DGKI: variants seen among roughly 807,000 people sequenced by gnomAD.
DGKI encodes the protein DAG kinase iota.
A neutral mutation model predicts 147.5 loss-of-function variants in DGKI; 55 were observed. The ratio of observed to expected loss-of-function variants is 0.37; its 90% CI spans 0.30 to 0.47. DGKI has a LOEUF of 0.47. Ranked by LOEUF, DGKI falls within the 20% of genes least tolerant of loss-of-function variation. The probability of loss-of-function intolerance (pLI) is 1.00; values close to 1 mark genes in which losing one functional copy is unlikely to be tolerated. For missense variants in DGKI, 1,007 were observed against 1,323.8 expected (o/e 0.76, Z 3.71); for synonymous variants, 469 against 477.1 (o/e 0.98, Z 0.22).
Position 137,393,634 on chromosome 7 carries a change from C to G in DGKI, c.3057+1964G>C, listed in dbSNP as rs116986859. Among the ~76,000 whole-genome samples the G allele has an allele frequency of 9.9e-5, 15 of 152,266 alleles. No individual in the cohort carries two copies. In the East Asian group the frequency reaches 2.9e-3, roughly 29 times the overall value. The stretch of plus-strand genomic sequence containing the variant: ...AAATTATTACTTTTAATGGCAAAAA[C>G]CACAATTACTTTTACACCAACCTAA... On this transcript the variant is annotated intron_variant, in intron 32 of 32. Transcript: ENST00000614521.
intron 27 of DGKI, among the ~76,000 whole-genome samples, chr7:137,459,784 T>C (rs1020606579): frequency 5.9e-5 from 9 of 152,148 alleles, no homozygotes; most frequent in Admixed American, 6.5e-5. Context: ...AAAAATTTTA[T>C]TTTCTGTTCA....
chr7:137,783,502 T>C (rs1796581708), intron 1 of DGKI, among the ~76,000 whole-genome samples: 1 of 152,198 alleles, frequency 6.6e-6, no homozygotes, highest in African/African-American at 2.4e-5. Context: ...AAACCAAGAA[T>C]AATTGGTGTT....
In DGKI at chr7:137,532,448, T is replaced by G. The variant is rs188616187; in HGVS notation, c.2148-10482A>C. 2.7e-3 allele frequency among the ~76,000 whole-genome samples: 408 copies of G among 152,328 alleles called. 3 individuals carry two copies. The highest frequency in any genetic ancestry group is 9.5e-3 in the African/African-American group (394 of 41,580). On this transcript the variant is annotated intron_variant, in intron 20 of 32. Transcript: ENST00000614521. ...AATCTGAGTATCAGAGAAAAAATTA[T>G]TGCAGAATTGTTTGTTTTTCTTCAT...
intron 3 of DGKI, among the ~76,000 whole-genome samples, chr7:137,665,617 C>T (rs2116320300): frequency 6.6e-6 from 1 of 152,266 alleles, no homozygotes; most frequent in African/African-American, 2.4e-5. Context: ...CTAGCACCTC[C>T]CCTGAGTAAC....
intron 8 of DGKI, among the ~76,000 whole-genome samples, chr7:137,614,445 C>T (rs1370915414): frequency 6.6e-6 from 1 of 152,136 alleles, no homozygotes; most frequent in Admixed American, 6.6e-5. Context: ...TTTAACTTGC[C>T]TGTCCAATCA....
chr7:137,687,725 C>T (rs1023627557), intron 2 of DGKI, among the ~76,000 whole-genome samples: 1 of 152,182 alleles, frequency 6.6e-6, no homozygotes, highest in Non-Finnish European at 1.5e-5. Context: ...TCCAGAGTAA[C>T]ATCTCATAAC....
intron 27 of DGKI, among the ~76,000 whole-genome samples, chr7:137,449,928 T>G (rs1813885621): frequency 6.6e-6 from 1 of 152,128 alleles, no homozygotes; most frequent in Non-Finnish European, 1.5e-5. Context: ...GTGGTATATA[T>G]ACACAATGAA....
rs1164753333 is a variant in DGKI, at chr7:137,386,081, G to A, written c.*5139C>T. 1.3e-5 allele frequency: 2 copies of A among 152,064 alleles called. No individual in the cohort carries two copies. The highest frequency in any genetic ancestry group is 2.9e-5 in the Non-Finnish European group (2 of 67,986). The allele number at this position is 152,064 out of a possible 1,614,324, so 9.4% of individuals were successfully genotyped here. On this transcript the variant is annotated 3_prime_UTR_variant, in exon 33 of 33. Coordinates refer to ENST00000614521, the MANE Select transcript of DGKI (RefSeq NM_001321708.2). ...TGAATACATATGTAAATAGACTCTG[G>A]AGTCTATGCATTATGAAGATACCAT...
chr7:137,743,250 G>A (rs1205397178), intron 1 of DGKI, among the ~76,000 whole-genome samples: 1 of 152,162 alleles, frequency 6.6e-6, no homozygotes, highest in Non-Finnish European at 1.5e-5. Flanking sequence ...AGAAATTCTG[G>A]ACTTAAATTG....
chr7:137,746,814 C>T (rs1046102315), intron 1 of DGKI, among the ~76,000 whole-genome samples: 1 of 152,020 alleles, frequency 6.6e-6, no homozygotes, highest in East Asian at 1.9e-4. Context: ...AATATGTTCT[C>T]ATCAACTCAG....
At chr7:137,517,833 T>C (rs1816834214) in intron 21 of DGKI, among the ~76,000 whole-genome samples, 2 of 152,180 alleles carry the variant, frequency 1.3e-5, no homozygotes, top group African/African-American at 2.4e-5. Context: ...ACATGCTTCA[T>C]AGATTTAAGT....
At chr7:137,410,793 C>T (rs1812134090) in intron 29 of DGKI, among the ~76,000 whole-genome samples, 1 of 152,162 alleles carries the variant, frequency 6.6e-6, no homozygotes, top group African/African-American at 2.4e-5. Context: ...TCCCACAAAA[C>T]CTAATGGAAG....
At chr7:137,577,924 A>T (rs898305102) in intron 16 of DGKI, among the ~76,000 whole-genome samples, 1 of 152,072 alleles carries the variant, frequency 6.6e-6, no homozygotes, top group Admixed American at 6.6e-5. Flanking sequence ...CTTACCTAAA[A>T]TTCTTCAGAC....
chr7:137,411,258 T>G (rs1812152383), intron 29 of DGKI, among the ~76,000 whole-genome samples: 1 of 152,208 alleles, frequency 6.6e-6, no homozygotes, highest in Non-Finnish European at 1.5e-5. Context: ...CAGGGGCATA[T>G]GGGCAGTCAT....
chr7:137,631,971 C>G (rs190305073), intron 6 of DGKI, among the ~76,000 whole-genome samples: 170 of 152,282 alleles, frequency 1.1e-3, no homozygotes, highest in African/African-American at 4.0e-3. Flanking sequence ...AGGTGGCTCT[C>G]CCTCGTAGGT....
At chr7:137,397,233 C>T (rs142305422) in intron 31 of DGKI, 144 bp downstream of exon 31, 19,876 of 708,456 alleles carry the variant, frequency 0.028, 646 homozygotes, top group South Asian at 0.12. Flanking sequence ...GCTATTAGCC[C>T]TGCACATTTA....
At chr7:137,406,468 C>G in intron 30 of DGKI, among the ~76,000 whole-genome samples, 1 of 152,146 alleles carries the variant, frequency 6.6e-6, no homozygotes, top group East Asian at 1.9e-4. Context: ...ATGCTGTCAT[C>G]GCAGCCCTCC....
intron 19 of DGKI, among the ~76,000 whole-genome samples, chr7:137,559,741 T>C (rs1818354368): frequency 6.6e-6 from 1 of 151,932 alleles, no homozygotes; most frequent in African/African-American, 2.4e-5. Context: ...CTTGTGGACC[T>C]GTCCAGTTTC....
rs1813924121 is a variant in DGKI, at chr7:137,450,815, A to G, written c.2736-6713T>C. 3.3e-5 allele frequency among the ~76,000 whole-genome samples: 5 copies of G among 151,492 alleles called. No homozygotes were observed. In the South Asian group the frequency reaches 1.0e-3, roughly 32 times the overall value. ...CACATATATATATATTTTACTTTGGATTTACTCTTCCATGAATCTTGATCT... is the reference window on the plus strand; with the variant it reads ...CACATATATATATATTTTACTTTGGGTTTACTCTTCCATGAATCTTGATCT... On this transcript the variant is annotated intron_variant, in intron 27 of 32. Transcript: ENST00000614521.
Sources: gnomAD v4.1 joint callset for allele counts (sites outside exome capture counted in the v4.1 genomes callset) on GRCh38, gnomAD v4.1.1 for gene constraint, MANE v1.5 for transcripts, NCBI Gene and HGNC (gene_info 2026-07-23, HGNC 2026-07-21) for gene names.